Variants in A4GALT observed in about 807,000 individuals in gnomAD.
A4GALT encodes the protein lactosylceramide 4-alpha-galactosyltransferase.
For synonymous variants in A4GALT, 257 were observed against 220.7 expected, an observed-to-expected ratio of 1.16 and a Z score of -1.46; for missense variants, 512 against 486.0, an observed-to-expected ratio of 1.05 and a Z score of -0.50.
At chr22:42,705,464 A>G (rs377635024) in intron 1 of A4GALT, among the ~76,000 whole-genome samples, 17,911 of 100,516 alleles carry the variant, frequency 0.18, 2,735 homozygotes, top group Middle Eastern at 0.3. Flanking sequence ...TTAGCTGGGC[A>G]TGGTGGCGCG....
chr22:42,708,979 C>A (rs1921415005), intron 1 of A4GALT, among the ~76,000 whole-genome samples: 1 of 150,302 alleles, frequency 6.7e-6, no homozygotes, highest in African/African-American at 2.4e-5. Context: ...GGGAGGGAAT[C>A]CTGGAAAACT....
chr22:42,721,178 A>G (rs926264636), upstream of A4GALT: 18 of 152,204 alleles, frequency 1.2e-4, no homozygotes, highest in Admixed American at 1.0e-3. Flanking sequence ...GATATTCTGC[A>G]GTGGAGAAGG....
Position 42,692,875 on chromosome 22 carries a change from G to T in A4GALT, c.*15C>A. 1 of 1,599,104 alleles carries T rather than the reference G, an allele frequency of 6.3e-7. No individual in the cohort carries two copies. The highest frequency in any genetic ancestry group is 1.1e-5 in the South Asian group (1 of 90,986). Reference sequence around the variant, plus strand: ...CCCATCAGGAGCAGGTTGGGGAGGTGACCTGGCGGGCCCCTCACAAGTACA... The same window carrying T: ...CCCATCAGGAGCAGGTTGGGGAGGTTACCTGGCGGGCCCCTCACAAGTACA... On this transcript the variant is annotated 3_prime_UTR_variant, in exon 3 of 3. Coordinates refer to ENST00000642412, the MANE Select transcript of A4GALT (RefSeq NM_017436.7). This position sits in a 1 kb window ranked among gnomAD's most constrained non-coding sequence, Gnocchi z 4.6.
At position 42,696,821 on chromosome 22, in the gene A4GALT, T is replaced by C. The variant is rs182373576; in HGVS notation, c.-187-1190A>G. On this transcript the variant is annotated intron_variant, in intron 1 of 2. Coordinates refer to ENST00000642412, the MANE Select transcript of A4GALT (RefSeq NM_017436.7). ...CCGCCACCTGTGCCCCAGCCACACC[T>C]GGCCGCCTGTTTTTCAGGCCTCAAA... Among the ~76,000 whole-genome samples, 472 of 151,612 alleles carry C rather than the reference T, an allele frequency of 3.1e-3. 1 individual carries two copies. The highest frequency in any genetic ancestry group is 5.1e-3 in the Non-Finnish European group (348 of 67,924).
Position 42,720,809 on chromosome 22 carries a change from C to CGGCGGCG in A4GALT, c.-207_-201dup, listed in dbSNP as rs1030740712. On this transcript the variant is annotated 5_prime_UTR_variant, in exon 1 of 3. Coordinates refer to ENST00000642412, the MANE Select transcript of A4GALT (RefSeq NM_017436.7). The stretch of plus-strand genomic sequence containing the variant: ...CGGCCCCTCGTACCTCTAGCTCCAG[C>CGGCGGCG]GGCGGCGGGCGGCGGACAGCGGGGC... The CGGCGGCG allele has an allele frequency of 1.4e-5, 2 of 143,348 alleles. No homozygotes were observed. Among genetic ancestry groups the CGGCGGCG allele is most frequent in the South Asian group, 2.0e-4 (1 of 4,980 alleles). 8.9% of individuals were successfully genotyped at this position (143,348 alleles called of 1,614,324 possible). A position where few individuals can be genotyped will look rare whatever the true frequency, so the allele number is the denominator to read the frequency against.
At chr22:42,696,988 G>A (rs183331625) in intron 1 of A4GALT, among the ~76,000 whole-genome samples, 6 of 149,690 alleles carry the variant, frequency 4.0e-5, no homozygotes, top group African/African-American at 9.9e-5. Context: ...GAGCCCCCTC[G>A]TTTCCTCATC....
chr22:42,695,855 G>A lies in A4GALT; in HGVS notation c.-187-224C>T, dbSNP rs568289331. 3.3e-5 allele frequency among the ~76,000 whole-genome samples: 5 copies of A among 152,248 alleles called. No homozygotes were observed. The South Asian group carries it at 1.0e-3, about 32-fold the overall frequency. Reference sequence around the variant, plus strand: ...TTTCCCTAAAGGAGTTCTCAGTCTGGTGGGGGCATCATTTAGAAACAGACA... The same window carrying A: ...TTTCCCTAAAGGAGTTCTCAGTCTGATGGGGGCATCATTTAGAAACAGACA... On this transcript the variant is annotated intron_variant, in intron 1 of 2. Coordinates refer to ENST00000642412, the MANE Select transcript of A4GALT (RefSeq NM_017436.7).
At chr22:42,709,067 A>ATATTTTTT (rs1180529043) in intron 1 of A4GALT, among the ~76,000 whole-genome samples, 2 of 128,834 alleles carry the variant, frequency 1.6e-5, no homozygotes, top group Non-Finnish European at 3.3e-5. Context: ...ATATATATAT[A>ATATTTTTT]TTTTTTTTAA....
chr22:42,706,917 A>G (rs1424485621), intron 1 of A4GALT, among the ~76,000 whole-genome samples: 1 of 152,196 alleles, frequency 6.6e-6, no homozygotes, highest in Non-Finnish European at 1.5e-5. Context: ...AAATTAGCCA[A>G]AGAAGGGCAA....
At chr22:42,703,239 TTTG>T (rs1569048263) in intron 1 of A4GALT, among the ~76,000 whole-genome samples, 1 of 147,436 alleles carries the variant, frequency 6.8e-6, no homozygotes, top group Non-Finnish European at 1.5e-5. Flanking sequence ...GGGCTTTTTT[TTTG>T]TTGTTTGTTT....
upstream of A4GALT, chr22:42,721,036 G>A (rs1922695199): frequency 6.6e-6 from 1 of 152,086 alleles, no homozygotes; most frequent in South Asian, 2.1e-4. Flanking sequence ...GGCGGGTGCG[G>A]ACAGTCCCCA....
intron 1 of A4GALT, among the ~76,000 whole-genome samples, chr22:42,702,110 TCTTTCTCTCTCTCTC>T (rs964971494): frequency 2.6e-5 from 4 of 152,130 alleles, no homozygotes; most frequent in South Asian, 2.1e-4. Flanking sequence ...TCTCTCTCTC[TCTTTCTCTCTCTCTC>T]CTTTCTCTCT....
intron 1 of A4GALT, among the ~76,000 whole-genome samples, chr22:42,708,336 C>T (rs552874141): frequency 4.0e-4 from 61 of 152,108 alleles, no homozygotes; most frequent in South Asian, 3.1e-3. Context: ...CGAGATCGCG[C>T]CATTGCATTC....
At chr22:42,718,284 CGG>C (rs1403952968) in intron 1 of A4GALT, 1 of 152,180 alleles carries the variant, frequency 6.6e-6, no homozygotes, top group Admixed American at 6.5e-5. Flanking sequence ...TTTTTGGAGA[CGG>C]AGTCTCGCTC....
intron 1 of A4GALT, among the ~76,000 whole-genome samples, chr22:42,709,067 ATT>A (rs71186522): frequency 0.17 from 22,255 of 128,844 alleles, 2,523 homozygotes; most frequent in East Asian, 0.62. Context: ...ATATATATAT[ATT>A]TTTTTTAAGA....
At position 42,692,775 on chromosome 22, in the gene A4GALT, C is replaced by G. The variant is rs1761385471; in HGVS notation, c.*115G>C. On this transcript the variant is annotated 3_prime_UTR_variant, in exon 3 of 3. Transcript: ENST00000642412. The surrounding 1 kb of genome is among the most constrained non-coding windows in gnomAD (Gnocchi z 4.6). ...CTCCCACAGCTCCTCAACAGCCTGC[C>G]TAAGCCCGGTGGCAGCTCGGGCCTC... The G allele has an allele frequency of 3.1e-6, 4 of 1,281,566 alleles. No homozygotes were observed. The highest frequency in any genetic ancestry group is 3.3e-6 in the Non-Finnish European group (3 of 909,540). 79.4% of individuals were successfully genotyped at this position (1,281,566 alleles called of 1,614,324 possible).
In A4GALT at chr22:42,693,500, C is replaced by A; in HGVS notation, c.452G>T (p.Arg151Leu). ...MLPLDLRELFRDTPLADWYAA... is the reference protein window; with the variant it reads ...MLPLDLRELFLDTPLADWYAA... Reference sequence around the variant, plus strand: ...GTACCAGTCGGCCAGGGGTGTGTCCCGGAACAGCTCCCGCAGGTCCAGCGG... The same window carrying A: ...GTACCAGTCGGCCAGGGGTGTGTCCAGGAACAGCTCCCGCAGGTCCAGCGG... Residue 151 changes from arginine to leucine, a missense_variant, in exon 3 of 3, where the codon CGG (arginine) becomes CTG (leucine). By Grantham distance (102) the Arg-to-Leu change is moderately radical (BLOSUM62 -2). Transcript: ENST00000642412. 1 of 1,613,168 alleles carries A rather than the reference C, an allele frequency of 6.2e-7. No homozygotes were observed. Among genetic ancestry groups the A allele is most frequent in the South Asian group, 1.1e-5 (1 of 91,062 alleles).
intron 1 of A4GALT, among the ~76,000 whole-genome samples, chr22:42,704,509 A>T (rs1483238935): frequency 6.6e-6 from 1 of 151,788 alleles, no homozygotes; most frequent in Non-Finnish European, 1.5e-5. Flanking sequence ...AAAATAATAA[A>T]AAAAATTAAA....
chr22:42,719,126 C>A (rs540950474), intron 1 of A4GALT, among the ~76,000 whole-genome samples: 1 of 152,178 alleles, frequency 6.6e-6, no homozygotes, highest in Non-Finnish European at 1.5e-5. Flanking sequence ...GCCCATCACA[C>A]GAACTGGAAA....
Sources: allele counts gnomAD v4.1 joint callset (sites outside exome capture counted in the v4.1 genomes callset), GRCh38; gene constraint gnomAD v4.1.1; non-coding constraint Gnocchi (gnomAD v3.1); transcripts MANE v1.5; gene names NCBI Gene and HGNC (gene_info 2026-07-23, HGNC 2026-07-21).